The following CSMD3 variants were observed in gnomAD, a reference collection of about 807,000 sequenced individuals.
CSMD3 encodes the protein CUB and Sushi multiple domains 3, also known as CUB and sushi domain-containing protein 3.
In CSMD3, 177 loss-of-function variants were observed where a neutral mutation model predicts 435.2. That is an observed-to-expected ratio of 0.41 (90% CI 0.36 to 0.46). The LOEUF (loss-of-function observed/expected upper bound fraction) is 0.46. CSMD3 is among the 20% of genes least tolerant of loss of function. The probability of loss-of-function intolerance (pLI) is 0.34; values close to 1 mark genes in which losing one functional copy is unlikely to be tolerated. For missense variants in CSMD3, 4,265 were observed against 4,504.6 expected, an observed-to-expected ratio of 0.95 and a Z score of 1.52; for synonymous variants, 1,656 against 1,520.5, an observed-to-expected ratio of 1.09 and a Z score of -2.07.
chr8:112,646,628 T>C (rs546016072), intron 19 of CSMD3, among the ~76,000 whole-genome samples: 1 of 152,224 alleles, frequency 6.6e-6, no homozygotes, highest in East Asian at 1.9e-4. Flanking sequence ...CATTTAAACA[T>C]TTAGGAGGAA....
At chr8:112,705,048 TCAATATTTA>T (rs1338957770) in intron 13 of CSMD3, among the ~76,000 whole-genome samples, 2 of 152,206 alleles carry the variant, frequency 1.3e-5, no homozygotes, top group East Asian at 3.9e-4. Flanking sequence ...TCACTTCAGT[TCAATATTTA>T]CAGAGCATAT....
At chr8:112,532,421 T>C (rs530819456) in intron 27 of CSMD3, among the ~76,000 whole-genome samples, 1 of 152,210 alleles carries the variant, frequency 6.6e-6, no homozygotes, top group East Asian at 1.9e-4. Flanking sequence ...CATTTAATAA[T>C]CAAACTCTCA....
chr8:113,131,023 C>T (rs1158724615), intron 4 of CSMD3, among the ~76,000 whole-genome samples: 1 of 152,072 alleles, frequency 6.6e-6, no homozygotes, highest in Non-Finnish European at 1.5e-5. Context: ...GCAAAGTGTT[C>T]AAGAAGTAAC....
chr8:112,960,090 T>G (rs1343967623), intron 7 of CSMD3, among the ~76,000 whole-genome samples: 1 of 151,856 alleles, frequency 6.6e-6, no homozygotes, highest in Non-Finnish European at 1.5e-5. Flanking sequence ...AGGGGAGTTA[T>G]AAAATTATTT....
At position 112,494,571 on chromosome 8, in the gene CSMD3, C is replaced by CTTTA. The variant is rs764889943; in HGVS notation, c.5084-1889_5084-1888insTAAA. Among the ~76,000 whole-genome samples, 10 of 93,776 alleles carry CTTTA rather than the reference C, an allele frequency of 1.1e-4. 1 individual carries two copies. The highest frequency in any genetic ancestry group is 1.0e-4 in the Non-Finnish European group (5 of 47,902). The allele number at this position is 93,776 out of a possible 152,430, so 61.5% of individuals were successfully genotyped here. A position where few individuals can be genotyped will look rare whatever the true frequency, so the allele number is the denominator to read the frequency against. Reference sequence around the variant, plus strand: ...TCTTTCTTTCTTTCTTTCTTTCTTTCTTTTCTTTCTTTCTCTCTACAAGTA... The same window carrying CTTTA: ...TCTTTCTTTCTTTCTTTCTTTCTTTCTTTATTTTCTTTCTTTCTCTCTACAAGTA... On this transcript the variant is annotated intron_variant, in intron 30 of 70. Transcript: ENST00000297405.
rs1434392662 is a variant in CSMD3, at chr8:112,517,038, A to G, written c.4752T>C (p.Cys1584=). The G allele has an allele frequency of 6.2e-7, 1 of 1,611,530 alleles. No individual in the cohort carries two copies. The highest frequency in any genetic ancestry group is 8.5e-7 in the Non-Finnish European group (1 of 1,178,072). Residue 1584 remains cysteine, a synonymous_variant, in exon 28 of 71, where the codon TGT becomes TGC. Coordinates refer to ENST00000297405, the MANE Select transcript of CSMD3 (RefSeq NM_198123.2). ...TAATTGTTCTTTAATTCATACCTATACAGACTGGTGGGCTGGGCTGCCAGA... is the reference window on the plus strand; with the variant it reads ...TAATTGTTCTTTAATTCATACCTATGCAGACTGGTGGGCTGGGCTGCCAGA... ...RYFWQPSPPV[C]IAPCGGNLTG... is the part of the protein sequence containing the mutation.
chr8:112,506,609 G>T (rs2130929369), intron 29 of CSMD3, 82 bp downstream of exon 29: 1 of 1,305,116 alleles, frequency 7.7e-7, no homozygotes, highest in Non-Finnish European at 1.1e-6. Flanking sequence ...ACAGAAATAG[G>T]AATTAGTCTA....
At chr8:112,640,431 A>T (rs2074791430) in intron 20 of CSMD3, among the ~76,000 whole-genome samples, 1 of 152,146 alleles carries the variant, frequency 6.6e-6, no homozygotes, top group Non-Finnish European at 1.5e-5. Flanking sequence ...ATTGTTTTAA[A>T]AAAAAGGGGA....
At chr8:113,260,721 T>C (rs1160789749) in intron 3 of CSMD3, among the ~76,000 whole-genome samples, 1 of 152,034 alleles carries the variant, frequency 6.6e-6, no homozygotes, top group African/African-American at 2.4e-5. Context: ...ATTCGCCATC[T>C]AGATTTTAAG....
intron 44 of CSMD3, among the ~76,000 whole-genome samples, chr8:112,336,093 C>T (rs1170126981): frequency 6.6e-6 from 1 of 151,848 alleles, no homozygotes; most frequent in Non-Finnish European, 1.5e-5. Flanking sequence ...TTTATTTTTT[C>T]TAGAGAGAGT....
chr8:113,300,103 A>C (rs903628508), intron 2 of CSMD3, among the ~76,000 whole-genome samples: 4 of 147,262 alleles, frequency 2.7e-5, no homozygotes, highest in African/African-American at 1.0e-4. Context: ...GCAGTAAGCC[A>C]ATGTGGCACC....
rs188128294 is a variant in CSMD3, at chr8:112,720,561, G to A, written c.1973-30511C>T. On this transcript the variant is annotated intron_variant, in intron 13 of 70. Transcript: ENST00000297405. ...GCCTATACGGACCCTACATACATGC[G>A]AGGAATCACATTCATTTGCATGTAG... 2.8e-3 allele frequency among the ~76,000 whole-genome samples: 425 copies of A among 152,142 alleles called. 1 individual carries two copies. The highest frequency in any genetic ancestry group is 3.3e-3 in the Non-Finnish European group (222 of 68,014).
intron 9 of CSMD3, among the ~76,000 whole-genome samples, chr8:112,932,237 C>A (rs765226451): frequency 6.6e-6 from 1 of 152,112 alleles, no homozygotes; most frequent in Non-Finnish European, 1.5e-5. Flanking sequence ...TGTGTATACA[C>A]AATGGAATAC....
rs567131506 is a variant in CSMD3, at chr8:113,428,782, T to C, written c.178+7895A>G. On this transcript the variant is annotated intron_variant, in intron 1 of 70. Transcript: ENST00000297405. ...CAGATAAACTTGTATAACAGAAAAC[T>C]ATGGCAAAAGCCCTTGCTTTTTTAG... Among the ~76,000 whole-genome samples, 4 of 152,000 alleles carry C rather than the reference T, an allele frequency of 2.6e-5. No homozygotes were observed. The East Asian group carries it at 7.7e-4, about 29-fold the overall frequency.
chr8:112,520,612 G>A (rs1021301215), intron 27 of CSMD3, among the ~76,000 whole-genome samples: 1 of 151,988 alleles, frequency 6.6e-6, no homozygotes, highest in African/African-American at 2.4e-5. Context: ...ATAAAAATAT[G>A]TTGCTGCCTA....
intron 6 of CSMD3, among the ~76,000 whole-genome samples, chr8:113,018,045 C>A (rs1009636094): frequency 6.6e-6 from 1 of 151,888 alleles, no homozygotes; most frequent in Admixed American, 6.6e-5. Flanking sequence ...AGATTTTCTA[C>A]GTGGACTTTG....
chr8:112,293,956 T>C (rs1820019496), intron 54 of CSMD3, among the ~76,000 whole-genome samples: 1 of 152,130 alleles, frequency 6.6e-6, no homozygotes, highest in Non-Finnish European at 1.5e-5. Context: ...TTCTCATTTA[T>C]AGTCTCAATT....
At chr8:113,204,773 A>G (rs1282280598) in intron 3 of CSMD3, among the ~76,000 whole-genome samples, 1 of 152,200 alleles carries the variant, frequency 6.6e-6, no homozygotes, top group African/African-American at 2.4e-5. Flanking sequence ...TGCAGTATTC[A>G]GTATGGTAAC....
intron 24 of CSMD3, among the ~76,000 whole-genome samples, chr8:112,557,588 T>C (rs1017970788): frequency 6.6e-6 from 1 of 151,938 alleles, no homozygotes; most frequent in Non-Finnish European, 1.5e-5. Flanking sequence ...TAATCAATTA[T>C]GCCTATGTAA....
Sources: gnomAD v4.1 joint callset for allele counts (sites outside exome capture counted in the v4.1 genomes callset) on GRCh38, gnomAD v4.1.1 for gene constraint, MANE v1.5 for transcripts, NCBI Gene and HGNC (gene_info 2026-07-23, HGNC 2026-07-21) for gene names.